Variants in PTPRD observed in about 807,000 individuals in gnomAD.
PTPRD encodes receptor-type tyrosine-protein phosphatase delta.
Under a neutral mutation model 214.5 loss-of-function variants are expected in PTPRD, and 34 were observed. The ratio of observed to expected loss-of-function variants is 0.16; its 90% CI spans 0.12 to 0.21. The LOEUF is 0.21. PTPRD is among the 10% of genes least tolerant of loss of function. The probability of loss-of-function intolerance (pLI) is 1.00; values close to 1 mark genes in which losing one functional copy is unlikely to be tolerated. For synonymous variants in PTPRD, 1,128 were observed against 845.7 expected, an observed-to-expected ratio of 1.33 and a Z score of -5.79; for missense variants, 2,545 against 2,398.7, an observed-to-expected ratio of 1.06 and a Z score of -1.27.
chr9:9,164,634 T>C (rs1294926015), intron 10 of PTPRD, among the ~76,000 whole-genome samples: 1 of 152,160 alleles, frequency 6.6e-6, no homozygotes, highest in Non-Finnish European at 1.5e-5. Context: ...TCTTAGTGCC[T>C]AGCACAGTGC....
At chr9:8,722,123 C>CTGTGTGTG (rs34720946) in intron 12 of PTPRD, among the ~76,000 whole-genome samples, 3,465 of 147,426 alleles carry the variant, frequency 0.024, 62 homozygotes, top group Non-Finnish European at 0.027. Context: ...AAGTATTACT[C>CTGTGTGTG]TGTGTGTGTG....
chr9:9,868,324 T>C (rs1280327001), intron 5 of PTPRD, among the ~76,000 whole-genome samples: 2 of 152,042 alleles, frequency 1.3e-5, no homozygotes. Flanking sequence ...ATAATACAAG[T>C]AGAGTAAATT....
intron 12 of PTPRD, among the ~76,000 whole-genome samples, chr9:8,694,533 A>G (rs2097868203): frequency 6.6e-6 from 1 of 152,206 alleles, no homozygotes; most frequent in East Asian, 1.9e-4. Flanking sequence ...TTTAGGTAGG[A>G]TCTAAACATG....
At chr9:8,805,338 GTC>G (rs962158306) in intron 11 of PTPRD, among the ~76,000 whole-genome samples, 1 of 152,250 alleles carries the variant, frequency 6.6e-6, no homozygotes, top group Non-Finnish European at 1.5e-5. Context: ...TGACCAGGTG[GTC>G]TCTCTCTAAA....
At position 9,384,343 on chromosome 9, in the gene PTPRD, CTTTTTTTTTTTTTTTTTTTTTTTTTTT is replaced by C. The variant is rs869246078; in HGVS notation, c.-203+13079_-203+13105del. ...GATGATATTTGAGCAGAAGACTAGG[CTTTTTTTTTTTTTTTTTTTTTTTTTTT>C]TTTTTTTTTTTTTTCTGGTGGGTCA... is the stretch of plus-strand genomic sequence containing the variant. On this transcript the variant is annotated intron_variant, in intron 9 of 45. Transcript: ENST00000381196. 4.5e-4 allele frequency among the ~76,000 whole-genome samples: 15 copies of C among 33,318 alleles called. No homozygotes were observed. The East Asian group carries it at 0.013, about 30-fold the overall frequency. The allele number at this position is 33,318 out of a possible 152,430, so 21.9% of individuals were successfully genotyped here.
intron 12 of PTPRD, among the ~76,000 whole-genome samples, chr9:8,676,241 G>A (rs532900660): frequency 6.6e-6 from 1 of 152,210 alleles, no homozygotes; most frequent in South Asian, 2.1e-4. Context: ...AACCCTCTGA[G>A]GCTGAGAGAT....
chr9:9,181,534 A>G (rs926947513), intron 10 of PTPRD, among the ~76,000 whole-genome samples: 41 of 152,128 alleles, frequency 2.7e-4, no homozygotes, highest in Admixed American at 7.2e-4. Context: ...CTACTGTGTC[A>G]AATAGTATTC....
chr9:8,765,301 A>G (rs559345021), intron 11 of PTPRD, among the ~76,000 whole-genome samples: 2 of 152,332 alleles, frequency 1.3e-5, no homozygotes, highest in African/African-American at 4.8e-5. Context: ...TAATGCAATA[A>G]CATTATGCCA....
At chr9:8,809,894 A>C (rs1455813905) in intron 11 of PTPRD, among the ~76,000 whole-genome samples, 1 of 152,174 alleles carries the variant, frequency 6.6e-6, no homozygotes. Context: ...TTCAAACCTA[A>C]AAGGGAGCTT....
chr9:9,468,642 C>A (rs1004635293), intron 8 of PTPRD, among the ~76,000 whole-genome samples: 1 of 151,894 alleles, frequency 6.6e-6, no homozygotes, highest in Non-Finnish European at 1.5e-5. Flanking sequence ...AGCTTATAAA[C>A]CCAGTACTTT....
intron 7 of PTPRD, among the ~76,000 whole-genome samples, chr9:9,592,826 C>T (rs1262142281): frequency 6.6e-6 from 1 of 151,964 alleles, no homozygotes; most frequent in Non-Finnish European, 1.5e-5. Context: ...GGGTGGATAA[C>T]CTGAGGTCAG....
rs373953208 is a variant in PTPRD, at chr9:8,971,720, A to C, written c.-104+46977T>G. Among the ~76,000 whole-genome samples, 113 of 151,382 alleles carry C rather than the reference A, an allele frequency of 7.5e-4. 3 individuals carry two copies. In the South Asian group the frequency reaches 0.023, roughly 31 times the overall value. On this transcript the variant is annotated intron_variant, in intron 11 of 45. Transcript: ENST00000381196. ...ACAATAATAATATTAATAATAATTA[A>C]ATATTTATTGAACAATTAATATGTG... is the stretch of plus-strand genomic sequence containing the variant.
intron 11 of PTPRD, among the ~76,000 whole-genome samples, chr9:8,969,835 C>G (rs1456030435): frequency 2.6e-5 from 4 of 151,840 alleles, no homozygotes; most frequent in Non-Finnish European, 4.4e-5. Context: ...ACAAAAGACC[C>G]AGACTTTTTA....
intron 10 of PTPRD, 145 bp from the exon 11 acceptor site, chr9:9,018,880 A>G (rs1350568809): frequency 6.6e-6 from 1 of 152,166 alleles, no homozygotes. Context: ...GTATTTTGGC[A>G]TTTCCTTTCA....
chr9:9,174,928 A>C (rs978104152), intron 10 of PTPRD, among the ~76,000 whole-genome samples: 1 of 152,116 alleles, frequency 6.6e-6, no homozygotes, highest in Non-Finnish European at 1.5e-5. Context: ...AAGTGGGGCC[A>C]TTGAAAGGTG....
intron 18 of PTPRD, 68 bp from the exon 19 acceptor site, chr9:8,523,592 C>G (rs1564054825): frequency 1.3e-6 from 2 of 1,576,516 alleles, no homozygotes; most frequent in East Asian, 2.3e-5. Context: ...AAGGGAAACA[C>G]AGAGAGAGTA....
At chr9:10,321,615 G>A (rs2096554225) in intron 3 of PTPRD, among the ~76,000 whole-genome samples, 1 of 151,990 alleles carries the variant, frequency 6.6e-6, no homozygotes. Flanking sequence ...GGGTGGAATG[G>A]ATAGCAACAT....
At chr9:9,643,185 AGAATGT>A (rs1358217606) in intron 7 of PTPRD, among the ~76,000 whole-genome samples, 1 of 151,896 alleles carries the variant, frequency 6.6e-6, no homozygotes, top group African/African-American at 2.4e-5. Flanking sequence ...CACACAGTTT[AGAATGT>A]CCTTTGCAAA....
chr9:8,656,330 CT>C (rs1436694450), intron 12 of PTPRD, among the ~76,000 whole-genome samples: 1 of 152,132 alleles, frequency 6.6e-6, no homozygotes, highest in African/African-American at 2.4e-5. Flanking sequence ...ACTAAAACAC[CT>C]GCTTCTTGAA....
Sources: allele counts gnomAD v4.1 joint callset (sites outside exome capture counted in the v4.1 genomes callset), GRCh38; gene constraint gnomAD v4.1.1; transcripts MANE v1.5; gene names NCBI Gene and HGNC (gene_info 2026-07-23, HGNC 2026-07-21).